The following CAPN3 variants were observed in gnomAD, a reference collection of about 807,000 sequenced individuals.
CAPN3 encodes the protein calpain 3.
A neutral mutation model predicts 114.0 loss-of-function variants in CAPN3; 88 were observed. The observed-to-expected ratio is 0.77, with a 90% CI of 0.65 to 0.92. The LOEUF (loss-of-function observed/expected upper bound fraction) is 0.92, where lower values mean the gene tolerates loss of function less well. Ranked by LOEUF, CAPN3 falls within the 40% of genes least tolerant of loss-of-function variation. The pLI is 0.00. For missense variants in CAPN3, 1,028 were observed against 1,069.0 expected (o/e 0.96, Z 0.53); for synonymous variants, 386 against 382.9 (o/e 1.01, Z -0.09).
intron 1 of CAPN3, among the ~76,000 whole-genome samples, chr15:42,371,857 G>T (rs560268583): frequency 1.3e-5 from 2 of 151,848 alleles, no homozygotes; most frequent in South Asian, 2.1e-4. Flanking sequence ...CCAACTACTC[G>T]GGAGGCTGAG....
intron 1 of CAPN3, among the ~76,000 whole-genome samples, chr15:42,373,888 T>C (rs914112405): frequency 2.6e-5 from 4 of 152,210 alleles, no homozygotes; most frequent in Non-Finnish European, 4.4e-5. Flanking sequence ...GAAGGCCCCA[T>C]GCTATAGCCC....
intron 17 of CAPN3, 72 bp downstream of exon 17, chr15:42,409,452 T>C: frequency 7.3e-7 from 1 of 1,365,470 alleles, no homozygotes; most frequent in East Asian, 2.3e-5. Flanking sequence ...AGATTACCAA[T>C]TATTTCATTA....
chr15:42,391,728 G>A (rs1361517103), intron 6 of CAPN3, among the ~76,000 whole-genome samples: 1 of 152,164 alleles, frequency 6.6e-6, no homozygotes, highest in Non-Finnish European at 1.5e-5. Context: ...TCTGCAAATG[G>A]AAGAGCTACT....
chr15:42,387,493 A>C (rs999484829), intron 3 of CAPN3, among the ~76,000 whole-genome samples: 1 of 152,110 alleles, frequency 6.6e-6, no homozygotes, highest in African/African-American at 2.4e-5. Flanking sequence ...TGGAGCACCT[A>C]CTCTACCCAT....
rs2053334608 is a variant in CAPN3 at position 42,384,507 on chromosome 15, A to G, written c.334A>G (p.Ile112Val). The change falls in exon 2 of 24, where the codon ATC becomes GTC. Residue 112 changes from isoleucine to valine, a missense_variant. Coordinates refer to ENST00000397163, the MANE Select transcript of CAPN3 (RefSeq NM_000070.3). ...GGAAATTTGCGAGAATCCCCGATTT[A>G]TCATTGATGGAGCCAACAGAACTGA... is the stretch of plus-strand genomic sequence containing the variant. ...PPEICENPRF[I>V]IDGANRTDIC... 4 of 1,613,874 alleles carry G rather than the reference A, an allele frequency of 2.5e-6. No homozygotes were observed. The African/African-American group carries it at 4.0e-5, about 16-fold the overall frequency.
chr15:42,403,842 C>A, intron 14 of CAPN3, 65 bp downstream of exon 14: 3 of 1,393,336 alleles, frequency 2.2e-6, no homozygotes, highest in South Asian at 1.2e-5. Context: ...ATGCAGGGGA[C>A]AGATGGTGCA....
At chr15:42,404,839 ATTGG>A in intron 14 of CAPN3, 1 of 1,073,612 alleles carries the variant, frequency 9.3e-7, no homozygotes, top group Non-Finnish European at 1.1e-6. Flanking sequence ...ACCACAGGCG[ATTGG>A]TTTTAGTGGT....
At chr15:42,390,242 G>T in intron 6 of CAPN3, 146 bp downstream of exon 6, 7 of 872,090 alleles carry the variant, frequency 8.0e-6, no homozygotes, top group Non-Finnish European at 3.7e-6. Flanking sequence ...GAAATAACTT[G>T]CTCAGCCAAG....
At chr15:42,388,005 A>G in intron 4 of CAPN3, 119 bp downstream of exon 4, 1 of 1,211,750 alleles carries the variant, frequency 8.3e-7, no homozygotes, top group Non-Finnish European at 1.2e-6. Context: ...ATGTGTGGGC[A>G]TGCAAGTCCA....
At chr15:42,387,973 G>A in intron 4 of CAPN3, 87 bp downstream of exon 4, 1 of 1,526,856 alleles carries the variant, frequency 6.5e-7, no homozygotes, top group Admixed American at 1.7e-5. Flanking sequence ...ACAGGAAGAG[G>A]CATGTGCCTC....
At chr15:42,362,865 A>G (rs1595796893) in intron 1 of CAPN3, among the ~76,000 whole-genome samples, 3 of 152,224 alleles carry the variant, frequency 2.0e-5, no homozygotes, top group Admixed American at 2.0e-4. Flanking sequence ...TGCCAGCCCT[A>G]TGCAGTCTGA....
chr15:42,384,670 A>G, intron 2 of CAPN3, 118 bp downstream of exon 2: 1 of 780,810 alleles, frequency 1.3e-6, no homozygotes, highest in South Asian at 1.4e-5. Context: ...TTTTTGGAAG[A>G]TTTTTTATAA....
rs28364532 is a variant in CAPN3, at chr15:42,409,205, C to T, written c.1915-98C>T. 5.5e-3 allele frequency: 6,054 copies of T among 1,108,790 alleles called. 226 individuals are homozygous for T. In the African/African-American group the frequency reaches 0.083, roughly 15 times the overall value. 68.7% of individuals were successfully genotyped at this position (1,108,790 alleles called of 1,614,324 possible). A position where few individuals can be genotyped will look rare whatever the true frequency, so the allele number is the denominator to read the frequency against. On this transcript the variant is annotated intron_variant, in intron 16 of 23. Coordinates refer to ENST00000397163, the MANE Select transcript of CAPN3 (RefSeq NM_000070.3). ...CCCAGCTCCTGCTGCCACCTCCGGC[C>T]GTTTTAGGCACTTGGCTCCCTTGGC...
intron 8 of CAPN3, among the ~76,000 whole-genome samples, chr15:42,396,304 G>T (rs566772690): frequency 4.7e-5 from 7 of 149,786 alleles, no homozygotes; most frequent in Non-Finnish European, 1.0e-4. Context: ...GTGCAATGGC[G>T]CGATCTTGGC....
Position 42,412,307 on chromosome 15 carries a change from T to A in CAPN3, c.*534T>A. The A allele has an allele frequency of 1.2e-6, 1 of 864,654 alleles. No homozygotes were observed. The highest frequency in any genetic ancestry group is 1.8e-6 in the Non-Finnish European group (1 of 563,328). The allele number at this position is 864,654 out of a possible 1,614,324, so 53.6% of individuals were successfully genotyped here. ...AAGCTGATCTAAATAAAGGCATGTG[T>A]ATGGCTGGTCCCCTTGTGTTTTGTT... On this transcript the variant is annotated 3_prime_UTR_variant, in exon 24 of 24. Coordinates refer to ENST00000397163, the MANE Select transcript of CAPN3 (RefSeq NM_000070.3).
At chr15:42,377,516 A>G (rs138889250) in intron 1 of CAPN3, among the ~76,000 whole-genome samples, 5 of 152,324 alleles carry the variant, frequency 3.3e-5, no homozygotes, top group Admixed American at 2.6e-4. Context: ...TTGTACCTCA[A>G]ATAAATCCCA....
In CAPN3 at chr15:42,408,444, A is replaced by C. The variant is rs1478751679; in HGVS notation, c.1914+120A>C. ...TTGTCTTGAACATCTGGAGGTTTGA[A>C]TTTGTCCCACTGACCTTTTCTTTCA... On this transcript the variant is annotated intron_variant, in intron 16 of 23. Transcript: ENST00000397163. The C allele has an allele frequency of 4.3e-6, 3 of 701,370 alleles. No homozygotes were observed. In the East Asian group the frequency reaches 8.5e-5, roughly 20 times the overall value. The allele number at this position is 701,370 out of a possible 1,614,324, so 43.4% of individuals were successfully genotyped here.
At chr15:42,396,383 T>C (rs1447828816) in intron 8 of CAPN3, among the ~76,000 whole-genome samples, 3 of 151,914 alleles carry the variant, frequency 2.0e-5, no homozygotes, top group Admixed American at 6.6e-5. Flanking sequence ...GCTGAGACTA[T>C]AGGTGCCCGC....
At chr15:42,373,245 T>C (rs973611190) in intron 1 of CAPN3, among the ~76,000 whole-genome samples, 2 of 152,154 alleles carry the variant, frequency 1.3e-5, no homozygotes, top group African/African-American at 4.8e-5. Context: ...TTAGTGGACA[T>C]AAGACTCTCC....
Sources: allele counts gnomAD v4.1 joint callset (sites outside exome capture counted in the v4.1 genomes callset), GRCh38; gene constraint gnomAD v4.1.1; transcripts MANE v1.5; gene names NCBI Gene and HGNC (gene_info 2026-07-23, HGNC 2026-07-21).